The following ZMAT4 variants were observed in gnomAD, a reference collection of about 807,000 sequenced individuals.
The protein encoded by ZMAT4 is zinc finger matrin-type 4, also known as zinc finger matrin-type protein 4.
ZMAT4 carries 17 observed loss-of-function variants against 28.7 expected under a neutral mutation model. That is an observed-to-expected ratio of 0.59 (90% CI 0.41 to 0.89). ZMAT4 has a LOEUF of 0.89. Among genes scored for constraint, ZMAT4 ranks in the 40% least tolerant of loss-of-function variants. The probability of loss-of-function intolerance (pLI) is 0.00; values close to 1 mark genes in which losing one functional copy is unlikely to be tolerated. For synonymous variants in ZMAT4, 117 were observed against 109.2 expected (o/e 1.07, Z -0.44); for missense variants, 240 against 283.8 (o/e 0.85, Z 1.11).
intron 1 of ZMAT4, among the ~76,000 whole-genome samples, chr8:40,885,548 C>G (rs534195400): frequency 9.2e-5 from 14 of 152,250 alleles, no homozygotes; most frequent in Admixed American, 7.9e-4. Context: ...TATTTTAAGA[C>G]GAGTCTTGCT....
At chr8:40,595,774 T>G (rs988172843) in intron 5 of ZMAT4, among the ~76,000 whole-genome samples, 1 of 151,880 alleles carries the variant, frequency 6.6e-6, no homozygotes, top group South Asian at 2.1e-4. Flanking sequence ...AGTATTTATG[T>G]AAAAAGTACT....
Position 40,737,559 on chromosome 8 carries a change from G to T in ZMAT4, c.192+30082C>A, listed in dbSNP as rs116843417. 8.2e-3 allele frequency among the ~76,000 whole-genome samples: 1,243 copies of T among 152,234 alleles called. 6 individuals are homozygous for T. Among genetic ancestry groups the T allele is most frequent in the Non-Finnish European group, 0.011 (778 of 68,016 alleles). ...ATATGCTCAAGAGCAGGTGAGAAAAGAACTAAAAAGGCCTACTGGCACGGT... is the reference window on the plus strand; with the variant it reads ...ATATGCTCAAGAGCAGGTGAGAAAATAACTAAAAAGGCCTACTGGCACGGT... On this transcript the variant is annotated intron_variant, in intron 3 of 6. Coordinates refer to ENST00000297737, the MANE Select transcript of ZMAT4 (RefSeq NM_024645.3).
At chr8:40,735,098 T>G (rs61320655) in intron 3 of ZMAT4, among the ~76,000 whole-genome samples, 18,198 of 152,184 alleles carry the variant, frequency 0.12, 1,572 homozygotes, top group East Asian at 0.39. Context: ...AATCTGATGC[T>G]CTAGGCAGAA....
chr8:40,803,508 C>T (rs1814944002), intron 2 of ZMAT4, among the ~76,000 whole-genome samples: 1 of 152,154 alleles, frequency 6.6e-6, no homozygotes, highest in Admixed American at 6.5e-5. Context: ...TATCAGAAGT[C>T]ATCAGGGAAC....
At chr8:40,833,201 G>A (rs1816348785) in intron 1 of ZMAT4, among the ~76,000 whole-genome samples, 1 of 151,620 alleles carries the variant, frequency 6.6e-6, no homozygotes, top group Non-Finnish European at 1.5e-5. Flanking sequence ...AGGTGGTAAT[G>A]CAGTGCTGGT....
intron 5 of ZMAT4, among the ~76,000 whole-genome samples, chr8:40,593,100 T>C (rs1277904719): frequency 2.0e-5 from 3 of 152,242 alleles, no homozygotes; most frequent in Non-Finnish European, 4.4e-5. Context: ...AATTCATAGA[T>C]ACGAAATGTG....
At chr8:40,557,101 T>G (rs1375036561) in intron 6 of ZMAT4, among the ~76,000 whole-genome samples, 1 of 152,098 alleles carries the variant, frequency 6.6e-6, no homozygotes, top group African/African-American at 2.4e-5. Flanking sequence ...AGTATTTCTG[T>G]GCCTGTCTGA....
chr8:40,558,918 A>G (rs1803636847), intron 6 of ZMAT4, among the ~76,000 whole-genome samples: 1 of 152,174 alleles, frequency 6.6e-6, no homozygotes, highest in Non-Finnish European at 1.5e-5. Context: ...CTGACAGAAC[A>G]GACTCTTTGT....
chr8:40,886,699 A>G lies in ZMAT4; in HGVS notation c.-5+10984T>C, dbSNP rs1818462021. On this transcript the variant is annotated intron_variant, in intron 1 of 6. Coordinates refer to ENST00000297737, the MANE Select transcript of ZMAT4 (RefSeq NM_024645.3). ...ATGAGCTGCTCCCGAATTTCTGAACATCCCTCCTGGGTTCTCCAACAACTC... is the reference window on the plus strand; with the variant it reads ...ATGAGCTGCTCCCGAATTTCTGAACGTCCCTCCTGGGTTCTCCAACAACTC... 3.3e-5 allele frequency among the ~76,000 whole-genome samples: 5 copies of G among 152,256 alleles called. No individual in the cohort carries two copies. In the South Asian group the frequency reaches 1.0e-3, roughly 32 times the overall value.
chr8:40,780,326 G>A (rs1813777719), intron 2 of ZMAT4, among the ~76,000 whole-genome samples: 1 of 152,184 alleles, frequency 6.6e-6, no homozygotes, highest in Admixed American at 6.5e-5. Context: ...ATATAGTGTT[G>A]ACGATCTCAT....
At chr8:40,856,215 C>G (rs957635479) in intron 1 of ZMAT4, among the ~76,000 whole-genome samples, 1 of 152,200 alleles carries the variant, frequency 6.6e-6, no homozygotes, top group Non-Finnish European at 1.5e-5. Context: ...AATGGGGAAC[C>G]ATTAGGAAAG....
chr8:40,820,567 T>C (rs899097628), intron 2 of ZMAT4, among the ~76,000 whole-genome samples: 1 of 149,004 alleles, frequency 6.7e-6, no homozygotes, highest in Non-Finnish European at 1.5e-5. Flanking sequence ...TGTGTGAGTG[T>C]GTTTTGGTGT....
chr8:40,666,079 A>T (rs1219514999), intron 5 of ZMAT4, among the ~76,000 whole-genome samples: 4 of 152,232 alleles, frequency 2.6e-5, no homozygotes, highest in Non-Finnish European at 4.4e-5. Context: ...TGCAAAATGA[A>T]TATTCTATCT....
chr8:40,831,169 C>T lies in ZMAT4; in HGVS notation c.-4-5489G>A, dbSNP rs527345931. On this transcript the variant is annotated intron_variant, in intron 1 of 6. Coordinates refer to ENST00000297737, the MANE Select transcript of ZMAT4 (RefSeq NM_024645.3). ...GTCTTTCTCTTTTGTATCAACAATA[C>T]CATCCACAAAGATGGCTCGTTTCCA... Among the ~76,000 whole-genome samples, 5 of 152,270 alleles carry T rather than the reference C, an allele frequency of 3.3e-5. No homozygotes were observed. In the South Asian group the frequency reaches 1.0e-3, roughly 32 times the overall value.
chr8:40,665,838 T>C (rs550914515), intron 5 of ZMAT4, among the ~76,000 whole-genome samples: 2 of 152,320 alleles, frequency 1.3e-5, no homozygotes, highest in East Asian at 3.9e-4. Flanking sequence ...TCTCTGGGCC[T>C]CAGAATCATT....
intron 6 of ZMAT4, among the ~76,000 whole-genome samples, chr8:40,579,085 T>C (rs1804365610): frequency 6.6e-6 from 1 of 152,158 alleles, no homozygotes; most frequent in Admixed American, 6.5e-5. Context: ...TCAAGGGTAG[T>C]TAAGGGAATT....
At chr8:40,747,901 C>A (rs1044219326) in intron 3 of ZMAT4, among the ~76,000 whole-genome samples, 5 of 152,098 alleles carry the variant, frequency 3.3e-5, no homozygotes, top group African/African-American at 1.2e-4. Context: ...AAAGGTCAAT[C>A]ATCACTCAAT....
chr8:40,553,441 G>T (rs919668763), intron 6 of ZMAT4, among the ~76,000 whole-genome samples: 1 of 152,166 alleles, frequency 6.6e-6, no homozygotes, highest in Non-Finnish European at 1.5e-5. Flanking sequence ...ATTTCAGCTA[G>T]CTTCTGAATT....
At chr8:40,683,750 A>T (rs754506154) in intron 4 of ZMAT4, among the ~76,000 whole-genome samples, 16 of 152,038 alleles carry the variant, frequency 1.1e-4, no homozygotes, top group Middle Eastern at 3.4e-3. Context: ...AATGTTATGA[A>T]TTTTTTTTCA....
Sources: allele counts gnomAD v4.1 joint callset (sites outside exome capture counted in the v4.1 genomes callset), GRCh38; gene constraint gnomAD v4.1.1; transcripts MANE v1.5; gene names NCBI Gene and HGNC (gene_info 2026-07-23, HGNC 2026-07-21).